APBB2: variants seen among roughly 807,000 people sequenced by gnomAD.
The protein encoded by APBB2 is amyloid beta precursor protein binding family B member 2, also known as Fe65-like 1.
APBB2 carries 38 observed loss-of-function variants against 82.5 expected under a neutral mutation model. That is an observed-to-expected ratio of 0.46 (90% CI 0.36 to 0.60). APBB2 has a LOEUF of 0.60. Ranked by LOEUF, APBB2 falls within the 20% of genes least tolerant of loss-of-function variation. APBB2 has a pLI of 0.00. For missense variants in APBB2, 772 were observed against 972.3 expected, an observed-to-expected ratio of 0.79 and a Z score of 2.74; for synonymous variants, 341 against 368.2, an observed-to-expected ratio of 0.93 and a Z score of 0.85.
At chr4:40,917,248 C>G (rs1015412425) in intron 10 of APBB2, among the ~76,000 whole-genome samples, 1 of 152,180 alleles carries the variant, frequency 6.6e-6, no homozygotes, top group African/African-American at 2.4e-5. Context: ...TAAGTGAACT[C>G]CAGCTCCCCA....
At chr4:40,925,303 A>G (rs1185550365) in intron 10 of APBB2, among the ~76,000 whole-genome samples, 2 of 152,212 alleles carry the variant, frequency 1.3e-5, no homozygotes, top group South Asian at 2.1e-4. Context: ...TTACATGTAT[A>G]TTTATAGTGT....
rs896548298 is a variant in APBB2, at chr4:40,810,549, G to A, written c.*5543C>T. 46 of 131,162 alleles carry A rather than the reference G, an allele frequency of 3.5e-4. No homozygotes were observed. The highest frequency in any genetic ancestry group is 1.3e-3 in the African/African-American group (45 of 33,804). The allele number at this position is 131,162 out of a possible 1,614,324, so 8.1% of individuals were successfully genotyped here. On this transcript the variant is annotated 3_prime_UTR_variant, in exon 18 of 18. Transcript: ENST00000508593. ...GCCAATATTGCCCCACTGCACTCCA[G>A]CCTGGGAAGCAGAGTGAGACCTTGC...
intron 10 of APBB2, among the ~76,000 whole-genome samples, chr4:40,898,880 C>CACACACACACACAG (rs148917018): frequency 0.021 from 3,112 of 149,590 alleles, 108 homozygotes; most frequent in African/African-American, 0.062. Flanking sequence ...CACACACACA[C>CACACACACACACAG]AGAACACTGG....
At chr4:40,863,729 C>A (rs77759725) in intron 12 of APBB2, among the ~76,000 whole-genome samples, 3 of 151,276 alleles carry the variant, frequency 2.0e-5, no homozygotes, top group South Asian at 4.2e-4. Context: ...CCTGTTTCTA[C>A]GAAAAATGCA....
chr4:40,948,855 T>C (rs1324664221), intron 6 of APBB2, among the ~76,000 whole-genome samples: 1 of 133,902 alleles, frequency 7.5e-6, no homozygotes, highest in East Asian at 2.1e-4. Flanking sequence ...TGCCACTGCA[T>C]TTCAGCCTGG....
Position 41,043,787 on chromosome 4 carries a change from T to C in APBB2, c.-50-10483A>G, listed in dbSNP as rs561238653. 1.3e-3 allele frequency among the ~76,000 whole-genome samples: 191 copies of C among 152,356 alleles called. 1 individual carries two copies. The highest frequency in any genetic ancestry group is 1.6e-3 in the Non-Finnish European group (111 of 68,028). The stretch of plus-strand genomic sequence containing the variant: ...GTGCTGTCTATTTTTAAAATTTTGA[T>C]GTCTTTTAAGTTATTTAATCTACAT... On this transcript the variant is annotated intron_variant, in intron 4 of 17. Coordinates refer to ENST00000508593, the MANE Select transcript of APBB2 (RefSeq NM_004307.2).
chr4:41,162,146 T>C (rs562027084), intron 1 of APBB2, among the ~76,000 whole-genome samples: 1 of 151,578 alleles, frequency 6.6e-6, no homozygotes, highest in East Asian at 1.9e-4. Context: ...CTATAAAAAT[T>C]AACAATAATT....
intron 12 of APBB2, among the ~76,000 whole-genome samples, chr4:40,833,281 T>TAAA (rs1752692947): frequency 6.6e-6 from 1 of 152,148 alleles, no homozygotes; most frequent in Non-Finnish European, 1.5e-5. Flanking sequence ...CTGGGTGGAT[T>TAAA]TTAAGAGTTC....
chr4:41,205,725 G>A (rs945028368), intron 1 of APBB2, among the ~76,000 whole-genome samples: 7 of 152,068 alleles, frequency 4.6e-5, no homozygotes, highest in Non-Finnish European at 7.4e-5. Context: ...AAAAATACTC[G>A]TTAAGTAAGG....
rs371307741 is a variant in APBB2 at position 40,821,944 on chromosome 4, C to T, written c.2039G>A (p.Arg680His). The T allele has an allele frequency of 2.9e-5, 46 of 1,614,022 alleles. No homozygotes were observed. Among genetic ancestry groups the T allele is most frequent in the South Asian group, 9.9e-5 (9 of 91,080 alleles). ...GCACCAGAAAACGTGGCACTCAAAG[C>T]GCTGGTTCCCCGTGTCCATGATGAA... ...FAFIMDTGNQRFECHVFWCEP... is the reference protein window; with the variant it reads ...FAFIMDTGNQHFECHVFWCEP... The change falls in exon 17 of 18, where the codon CGC (arginine) becomes CAC (histidine). Residue 680 changes from arginine (R) to histidine (H), a missense_variant. By Grantham distance (29) the Arg-to-His change is conservative. Transcript: ENST00000508593.
rs1578552908 is a variant in APBB2, at chr4:40,934,337, G to C, written c.1254+119C>G. The C allele has an allele frequency of 3.1e-6, 3 of 956,988 alleles. No homozygotes were observed. The East Asian group carries it at 7.2e-5, about 23-fold the overall frequency. The allele number at this position is 956,988 out of a possible 1,614,324, so 59.3% of individuals were successfully genotyped here. A position where few individuals can be genotyped will look rare whatever the true frequency, so the allele number is the denominator to read the frequency against. On this transcript the variant is annotated intron_variant, in intron 10 of 17. Transcript: ENST00000508593. ...GGGAGATTAGGAAAGAGAAAATTGA[G>C]GGATAATTACTTATTAAATGGCTCT...
At chr4:40,952,839 C>T (rs1461108381) in intron 6 of APBB2, among the ~76,000 whole-genome samples, 1 of 152,172 alleles carries the variant, frequency 6.6e-6, no homozygotes, top group Admixed American at 6.5e-5. Flanking sequence ...ACACTGACGC[C>T]ACTAGGTGCT....
At chr4:41,048,743 C>G (rs1724404982) in intron 4 of APBB2, among the ~76,000 whole-genome samples, 2 of 151,246 alleles carry the variant, frequency 1.3e-5, no homozygotes, top group Non-Finnish European at 2.9e-5. Context: ...GACTGTACTG[C>G]TGCCAACTCG....
intron 6 of APBB2, among the ~76,000 whole-genome samples, chr4:41,013,284 T>C (rs531276189): frequency 6.6e-6 from 1 of 152,340 alleles, no homozygotes; most frequent in South Asian, 2.1e-4. Flanking sequence ...ACCTATGCAC[T>C]GGAAGTGTAA....
At chr4:40,857,251 C>T (rs1761555526) in intron 12 of APBB2, 1 of 877,196 alleles carries the variant, frequency 1.1e-6, no homozygotes, top group Non-Finnish European at 1.4e-6. Context: ...CCGCCCCACC[C>T]GGCCGCACTC....
At chr4:41,009,933 T>TCACAGGAAGGA (rs1807846203) in intron 6 of APBB2, among the ~76,000 whole-genome samples, 1 of 152,228 alleles carries the variant, frequency 6.6e-6, no homozygotes, top group Admixed American at 6.5e-5. Flanking sequence ...CATGATTATT[T>TCACAGGAAGGA]TAAACACTAA....
intron 2 of APBB2, among the ~76,000 whole-genome samples, chr4:41,110,472 G>A (rs1015381975): frequency 3.3e-5 from 5 of 151,884 alleles, no homozygotes; most frequent in East Asian, 1.9e-4. Context: ...GTGTGGTGAC[G>A]GGCACCTGTA....
intron 2 of APBB2, among the ~76,000 whole-genome samples, chr4:41,137,408 T>G (rs1286539546): frequency 6.6e-6 from 1 of 152,230 alleles, no homozygotes; most frequent in East Asian, 1.9e-4. Flanking sequence ...ATATATATAG[T>G]AATCTGGAAA....
intron 6 of APBB2, among the ~76,000 whole-genome samples, chr4:40,955,250 T>G (rs1269024986): frequency 7.2e-5 from 11 of 152,052 alleles, no homozygotes; most frequent in Admixed American, 7.2e-4. Flanking sequence ...AGAACAGCAT[T>G]TCTGAAAGAG....
Sources: allele counts gnomAD v4.1 joint callset (sites outside exome capture counted in the v4.1 genomes callset), GRCh38; gene constraint gnomAD v4.1.1; transcripts MANE v1.5; gene names NCBI Gene and HGNC (gene_info 2026-07-23, HGNC 2026-07-21).